Variants in SSBP2 observed in about 807,000 individuals in gnomAD.
SSBP2 encodes the protein single-stranded DNA-binding protein 2.
SSBP2 carries 17 observed loss-of-function variants against 61.8 expected under a neutral mutation model. The ratio of observed to expected loss-of-function variants is 0.28; its 90% confidence interval spans 0.19 to 0.41. SSBP2 has a LOEUF of 0.41. Among genes scored for constraint, SSBP2 ranks in the 10% least tolerant of loss-of-function variants. The pLI is 1.00. For missense variants in SSBP2, 310 were observed against 458.7 expected (o/e 0.68, Z 2.96); for synonymous variants, 139 against 141.3 (o/e 0.98, Z 0.12).
intron 4 of SSBP2, among the ~76,000 whole-genome samples, chr5:81,561,226 G>A (rs1037324810): frequency 1.3e-5 from 2 of 151,998 alleles, no homozygotes; most frequent in Admixed American, 1.3e-4. Context: ...ACTGAACAAG[G>A]AAAATAATAG....
intron 2 of SSBP2, among the ~76,000 whole-genome samples, chr5:81,646,407 T>C (rs1322120059): frequency 6.6e-6 from 1 of 152,140 alleles, no homozygotes; most frequent in Non-Finnish European, 1.5e-5. Context: ...CTATTTTACA[T>C]TCCCATGGAA....
intron 4 of SSBP2, among the ~76,000 whole-genome samples, chr5:81,546,053 A>C (rs1270292462): frequency 1.3e-5 from 2 of 152,186 alleles, no homozygotes; most frequent in Non-Finnish European, 2.9e-5. Flanking sequence ...TTTAAAGAGA[A>C]TGTTTAAGTA....
intron 1 of SSBP2, among the ~76,000 whole-genome samples, chr5:81,676,885 G>A (rs889898287): frequency 1.3e-5 from 2 of 151,960 alleles, no homozygotes; most frequent in African/African-American, 2.4e-5. Context: ...GGAAGAAAGG[G>A]AAAAGGAAAG....
chr5:81,735,036 C>T (rs1314218831), intron 1 of SSBP2, among the ~76,000 whole-genome samples: 2 of 151,092 alleles, frequency 1.3e-5, no homozygotes, highest in African/African-American at 2.4e-5. Flanking sequence ...TCCTCACTGC[C>T]GATTTTAAAT....
At chr5:81,701,972 A>G (rs567700037) in intron 1 of SSBP2, among the ~76,000 whole-genome samples, 1 of 152,324 alleles carries the variant, frequency 6.6e-6, no homozygotes, top group Non-Finnish European at 1.5e-5. Context: ...ACAGATTATT[A>G]AAATGTATGT....
At chr5:81,552,430 G>A (rs1772268904) in intron 4 of SSBP2, among the ~76,000 whole-genome samples, 1 of 152,102 alleles carries the variant, frequency 6.6e-6, no homozygotes, top group Non-Finnish European at 1.5e-5. Context: ...CTTGAGGACA[G>A]GAGTTTGAGA....
At chr5:81,445,138 T>TA (rs1453692261) in intron 12 of SSBP2, among the ~76,000 whole-genome samples, 1,530 of 33,840 alleles carry the variant, frequency 0.045, 315 homozygotes, top group African/African-American at 0.084. Context: ...AAAAAAAATT[T>TA]TATATATATA....
At chr5:81,715,031 A>G (rs577583837) in intron 1 of SSBP2, among the ~76,000 whole-genome samples, 30 of 152,316 alleles carry the variant, frequency 2.0e-4, no homozygotes, top group Admixed American at 4.6e-4. Flanking sequence ...GGAAAACCAA[A>G]ATAGAAAGAT....
rs1243639657 is a variant in SSBP2 at position 81,600,575 on chromosome 5, A to AC, written c.282+14897_282+14898insG. Among the ~76,000 whole-genome samples the AC allele has an allele frequency of 4.6e-4, 70 of 151,198 alleles. 1 individual carries two copies. In the East Asian group the frequency reaches 0.011, roughly 24 times the overall value. The stretch of plus-strand genomic sequence containing the variant: ...AGACTCTGTCTCAAAAAAAAAAAAA[A>AC]AAAAACAAAAACCAGAAAGAAAAGA... On this transcript the variant is annotated intron_variant, in intron 4 of 16. Coordinates refer to ENST00000320672, the MANE Select transcript of SSBP2 (RefSeq NM_012446.5).
intron 4 of SSBP2, among the ~76,000 whole-genome samples, chr5:81,558,878 C>G (rs1411336680): frequency 6.6e-6 from 1 of 152,198 alleles, no homozygotes. Flanking sequence ...CATCTGATCT[C>G]TTAAACAGTG....
intron 14 of SSBP2, chr5:81,437,739 T>C: frequency 4.4e-6 from 1 of 225,932 alleles, no homozygotes; most frequent in Non-Finnish European, 8.7e-6. Context: ...TGTGAAATTT[T>C]AGAAAGACCA....
At chr5:81,542,862 C>CTCTT (rs1771406697) in intron 4 of SSBP2, among the ~76,000 whole-genome samples, 1 of 101,608 alleles carries the variant, frequency 9.8e-6, no homozygotes, top group African/African-American at 5.9e-5. Context: ...TCCTTTCTTT[C>CTCTT]TTCTTTTTTT....
In SSBP2 at chr5:81,739,426, T is replaced by C. The variant is rs1756855486; in HGVS notation, c.62+11555A>G. Among the ~76,000 whole-genome samples, 2 of 152,162 alleles carry C rather than the reference T, an allele frequency of 1.3e-5. 1 individual carries two copies. The highest frequency in any genetic ancestry group is 4.1e-4 in the South Asian group (2 of 4,822). On this transcript the variant is annotated intron_variant, in intron 1 of 16. Transcript: ENST00000320672. ...TTCAATAAACATCCTCTTAGAAATA[T>C]TTCCTGACACTCTCACAGCCCTAGG...
At chr5:81,586,893 T>TA (rs1357237224) in intron 4 of SSBP2, among the ~76,000 whole-genome samples, 4 of 151,934 alleles carry the variant, frequency 2.6e-5, no homozygotes, top group Non-Finnish European at 5.9e-5. Context: ...TCAGCCCCAG[T>TA]AAAAATCTTG....
chr5:81,443,762 C>T (rs113161341), intron 12 of SSBP2, among the ~76,000 whole-genome samples: 1,675 of 152,286 alleles, frequency 0.011, 25 homozygotes, highest in African/African-American at 0.034. Flanking sequence ...TGGGGTTTCA[C>T]TGTGTTAGCC....
intron 4 of SSBP2, among the ~76,000 whole-genome samples, chr5:81,563,776 T>C (rs1773224659): frequency 6.6e-6 from 1 of 152,146 alleles, no homozygotes; most frequent in Non-Finnish European, 1.5e-5. Context: ...ACATAAGACC[T>C]GAAACCATAA....
At chr5:81,738,256 C>T (rs1453640466) in intron 1 of SSBP2, among the ~76,000 whole-genome samples, 1 of 152,162 alleles carries the variant, frequency 6.6e-6, no homozygotes, top group African/African-American at 2.4e-5. Context: ...TTTGCGAAAA[C>T]TCATCAAATT....
chr5:81,550,914 A>G (rs1232085156), intron 4 of SSBP2, among the ~76,000 whole-genome samples: 1 of 151,978 alleles, frequency 6.6e-6, no homozygotes, highest in African/African-American at 2.4e-5. Flanking sequence ...GGGTAACACG[A>G]TGAAACCCCG....
chr5:81,708,049 G>T (rs1404434707), intron 1 of SSBP2, among the ~76,000 whole-genome samples: 1 of 152,040 alleles, frequency 6.6e-6, no homozygotes, highest in African/African-American at 2.4e-5. Flanking sequence ...ACAAGTTAAA[G>T]CACCTTATGG....
Sources: gnomAD v4.1 joint callset for allele counts (sites outside exome capture counted in the v4.1 genomes callset) on GRCh38, gnomAD v4.1.1 for gene constraint, MANE v1.5 for transcripts, NCBI Gene and HGNC (gene_info 2026-07-23, HGNC 2026-07-21) for gene names.